Variants in EXOC6 observed in about 807,000 individuals in gnomAD.
The protein encoded by EXOC6 is SEC15-like 1.
EXOC6 carries 60 observed loss-of-function variants against 112.5 expected under a neutral mutation model. The observed-to-expected ratio is 0.53, with a 90% CI of 0.43 to 0.66. EXOC6 has a LOEUF of 0.66. Ranked by LOEUF, EXOC6 falls within the 30% of genes least tolerant of loss-of-function variation. The pLI, the probability that EXOC6 is intolerant of heterozygous loss-of-function variation, is 0.00. For synonymous variants in EXOC6, 295 were observed against 308.0 expected, an observed-to-expected ratio of 0.96 and a Z score of 0.44; for missense variants, 855 against 957.1, an observed-to-expected ratio of 0.89 and a Z score of 1.41.
chr10:93,018,933 C>G (rs937974460), intron 20 of EXOC6, among the ~76,000 whole-genome samples: 1 of 151,900 alleles, frequency 6.6e-6, no homozygotes, highest in Non-Finnish European at 1.5e-5. Context: ...AATCATACCA[C>G]TGGACTAGGT....
At chr10:92,965,354 A>G (rs1298382367) in intron 17 of EXOC6, among the ~76,000 whole-genome samples, 1 of 152,118 alleles carries the variant, frequency 6.6e-6, no homozygotes, top group Non-Finnish European at 1.5e-5. Flanking sequence ...ATTCTTACAC[A>G]TTGAAATTTT....
intron 13 of EXOC6, among the ~76,000 whole-genome samples, chr10:92,944,691 T>C (rs1277254179): frequency 6.6e-6 from 1 of 152,176 alleles, no homozygotes; most frequent in East Asian, 1.9e-4. Flanking sequence ...AAAGGTTCCC[T>C]TTCTCCACAT....
At chr10:92,831,407 T>C, upstream of EXOC6, 1 of 1,025,432 alleles carries the variant, frequency 9.8e-7, no homozygotes, top group Middle Eastern at 3.3e-4. Context: ...TAGAGTATAG[T>C]ATTCTTCTAT....
In EXOC6 at chr10:92,911,314, C is replaced by T. The variant is rs115283364; in HGVS notation, c.663+1683C>T. On this transcript the variant is annotated intron_variant, in intron 6 of 21. Transcript: ENST00000260762. The stretch of plus-strand genomic sequence containing the variant: ...GTCTTCCCCATTATAGAGCTCCTCA[C>T]CATTGTATTCTTCCCTTCAATATTA... Among the ~76,000 whole-genome samples the T allele has an allele frequency of 2.9e-3, 445 of 152,222 alleles. 2 individuals carry two copies. The highest frequency in any genetic ancestry group is 0.01 in the African/African-American group (427 of 41,530).
At chr10:92,972,374 G>C (rs1842334935) in intron 17 of EXOC6, among the ~76,000 whole-genome samples, 1 of 152,132 alleles carries the variant, frequency 6.6e-6, no homozygotes, top group Non-Finnish European at 1.5e-5. Flanking sequence ...TCAAGAGAGG[G>C]GAGTGCAGGC....
intron 1 of EXOC6, among the ~76,000 whole-genome samples, chr10:92,836,486 C>A (rs1192839461): frequency 6.6e-6 from 1 of 152,108 alleles, no homozygotes; most frequent in Non-Finnish European, 1.5e-5. Context: ...CCTGTCACGA[C>A]CATGCAGTGG....
chr10:92,989,989 C>T (rs1046137864), intron 18 of EXOC6, among the ~76,000 whole-genome samples: 1 of 151,716 alleles, frequency 6.6e-6, no homozygotes, highest in African/African-American at 2.4e-5. Context: ...TGAGTTAATT[C>T]CAGGTATACA....
chr10:92,892,685 G>T (rs181875331), intron 1 of EXOC6, among the ~76,000 whole-genome samples: 38 of 152,358 alleles, frequency 2.5e-4, no homozygotes, highest in African/African-American at 7.0e-4. Context: ...ACTGCATGGT[G>T]AATAGAGGGG....
At chr10:92,980,744 A>C (rs1484541600) in intron 18 of EXOC6, among the ~76,000 whole-genome samples, 2 of 152,212 alleles carry the variant, frequency 1.3e-5, no homozygotes, top group East Asian at 1.9e-4. Context: ...CTTGGAAATC[A>C]TGCCAATTTT....
intron 13 of EXOC6, among the ~76,000 whole-genome samples, chr10:92,947,557 A>G (rs1853106783): frequency 1.3e-5 from 2 of 152,214 alleles, no homozygotes; most frequent in Admixed American, 1.3e-4. Flanking sequence ...AGAGTTTATA[A>G]TCTCATTGGG....
intron 20 of EXOC6, among the ~76,000 whole-genome samples, chr10:93,031,736 C>T (rs1040434966): frequency 5.9e-5 from 9 of 152,086 alleles, no homozygotes; most frequent in African/African-American, 2.2e-4. Context: ...TGGTCTTGAA[C>T]TGCTGACCTC....
chr10:93,047,964 C>G (rs928190198), intron 20 of EXOC6, among the ~76,000 whole-genome samples: 1 of 151,918 alleles, frequency 6.6e-6, no homozygotes, highest in Non-Finnish European at 1.5e-5. Flanking sequence ...AACAAACAAA[C>G]AAAAAAATTG....
At chr10:93,008,744 G>T (rs954900484) in intron 19 of EXOC6, among the ~76,000 whole-genome samples, 1 of 152,150 alleles carries the variant, frequency 6.6e-6, no homozygotes, top group Non-Finnish European at 1.5e-5. Context: ...TAGGTGACAG[G>T]TATGGTGTAT....
intron 1 of EXOC6, among the ~76,000 whole-genome samples, chr10:92,870,407 C>T (rs1403294280): frequency 1.3e-5 from 2 of 152,044 alleles, no homozygotes; most frequent in Non-Finnish European, 1.5e-5. Context: ...TTATTTGCTC[C>T]GTCAGTATGA....
At position 92,893,369 on chromosome 10, in the gene EXOC6, C is replaced by G; in HGVS notation, c.122C>G (p.Pro41Arg). Reference sequence around the variant, plus strand: ...TTCAGGTCTGTGTATGATGACCAACCAAATGCGCACAAGAAGTTTATGGAA... The same window carrying G: ...TTCAGGTCTGTGTATGATGACCAACGAAATGCGCACAAGAAGTTTATGGAA... ...PTLRSVYDDQ[P>R]NAHKKFMEKL... The change falls in exon 2 of 22, where the codon CCA becomes CGA. Residue 41 changes from proline to arginine, a missense_variant. By Grantham distance (103) the Pro-to-Arg change is moderately radical. This residue lies in a region of EXOC6 where 405 missense variants were observed against 393.6 expected (regional missense o/e 1.03). Coordinates refer to ENST00000260762, the MANE Select transcript of EXOC6 (RefSeq NM_019053.6). 1 of 1,610,824 alleles carries G rather than the reference C, an allele frequency of 6.2e-7. No individual in the cohort carries two copies. The highest frequency in any genetic ancestry group is 8.5e-7 in the Non-Finnish European group (1 of 1,178,414).
chr10:92,857,759 T>C (rs906124367), intron 1 of EXOC6, among the ~76,000 whole-genome samples: 3 of 145,884 alleles, frequency 2.1e-5, no homozygotes, highest in Non-Finnish European at 4.5e-5. Flanking sequence ...TATAATTACA[T>C]AGTTACCTTT....
At chr10:92,846,634 A>C (rs139154174), upstream of EXOC6, among the ~76,000 whole-genome samples, 3 of 152,284 alleles carry the variant, frequency 2.0e-5, no homozygotes, top group African/African-American at 4.8e-5. Context: ...AGCTCAATGG[A>C]TGTGTATAGC....
intron 20 of EXOC6, among the ~76,000 whole-genome samples, chr10:93,036,218 C>CA (rs58823676): frequency 0.52 from 73,232 of 140,372 alleles, 20,339 homozygotes; most frequent in East Asian, 0.79. Flanking sequence ...AACTCCATCT[C>CA]AAAAAAAAAA....
chr10:92,901,704 C>T (rs891377067), intron 5 of EXOC6: 3 of 144,860 alleles, frequency 2.1e-5, no homozygotes, highest in Admixed American at 7.1e-5. Context: ...TATTTAGAAA[C>T]TAAGATGTAT....
Sources: gnomAD v4.1 joint callset for allele counts (sites outside exome capture counted in the v4.1 genomes callset) on GRCh38, gnomAD v4.1.1 for gene constraint, gnomAD v4.1.1 regional missense constraint, MANE v1.5 for transcripts, NCBI Gene and HGNC (gene_info 2026-07-23, HGNC 2026-07-21) for gene names.